NAALADL2: variants seen among roughly 807,000 people sequenced by gnomAD.
The protein encoded by NAALADL2 is N-acetylated alpha-linked acidic dipeptidase like 2.
A neutral mutation model predicts 87.2 loss-of-function variants in NAALADL2; 76 were observed. The observed-to-expected ratio is 0.87, with a 90% CI of 0.72 to 1.05. The LOEUF (loss-of-function observed/expected upper bound fraction) is 1.05, where lower values mean the gene tolerates loss of function less well. Among genes scored for constraint, NAALADL2 ranks in the 50% least tolerant of loss-of-function variants. The pLI, the probability that NAALADL2 is intolerant of heterozygous loss-of-function variation, is 0.00. For missense variants in NAALADL2, 1,089 were observed against 945.8 expected, an observed-to-expected ratio of 1.15 and a Z score of -1.99; for synonymous variants, 354 against 331.0, an observed-to-expected ratio of 1.07 and a Z score of -0.75.
intron 3 of NAALADL2, among the ~76,000 whole-genome samples, chr3:174,821,899 C>T (rs781238415): frequency 4.6e-4 from 70 of 151,984 alleles, no homozygotes; most frequent in Non-Finnish European, 8.7e-4. Flanking sequence ...AGAAGGACAG[C>T]TAGGGAGGGG....
chr3:175,483,957 A>G (rs1031941067), intron 9 of NAALADL2, among the ~76,000 whole-genome samples: 7 of 152,102 alleles, frequency 4.6e-5, no homozygotes, highest in African/African-American at 1.2e-4. Context: ...TTAAGCAGCT[A>G]GTCCTGGAAG....
At chr3:175,465,774 A>G (rs1188837314) in intron 7 of NAALADL2, among the ~76,000 whole-genome samples, 1 of 152,168 alleles carries the variant, frequency 6.6e-6, no homozygotes, top group Non-Finnish European at 1.5e-5. Context: ...CATTAATTAA[A>G]CCTTAATAAA....
intron 5 of NAALADL2, among the ~76,000 whole-genome samples, chr3:175,375,687 T>C (rs1362105234): frequency 6.6e-6 from 1 of 152,148 alleles, no homozygotes. Context: ...GTAGATAATA[T>C]ATAGTGAATT....
intron 3 of NAALADL2, among the ~76,000 whole-genome samples, chr3:174,756,647 A>G (rs553183628): frequency 2.6e-5 from 4 of 152,364 alleles, no homozygotes; most frequent in African/African-American, 9.6e-5. Context: ...ATGAACAGAT[A>G]GAGATCTGCT....
intron 1 of NAALADL2, among the ~76,000 whole-genome samples, chr3:174,915,448 G>A (rs1279496979): frequency 6.6e-6 from 1 of 152,094 alleles, no homozygotes; most frequent in Admixed American, 6.6e-5. Flanking sequence ...CAACTTTATG[G>A]TAAGGACAAC....
intron 3 of NAALADL2, among the ~76,000 whole-genome samples, chr3:174,815,360 T>G (rs1361242532): frequency 6.6e-6 from 1 of 152,172 alleles, no homozygotes; most frequent in African/African-American, 2.4e-5. Context: ...GACTTGTGGA[T>G]GGTTATCTTC....
upstream of NAALADL2, among the ~76,000 whole-genome samples, chr3:174,857,354 G>C (rs4894687): frequency 6.6e-6 from 1 of 151,802 alleles, no homozygotes; most frequent in Non-Finnish European, 1.5e-5. Context: ...GTGAACTTAC[G>C]AACTTAAGAC....
intron 3 of NAALADL2, among the ~76,000 whole-genome samples, chr3:174,838,021 G>GAAAAAAAAAAAAAAAAA (rs77681462): frequency 1.4e-4 from 10 of 71,922 alleles, no homozygotes; most frequent in Non-Finnish European, 2.3e-4. Flanking sequence ...AACCAAAAAA[G>GAAAAAAAAAAAAAAAAA]AAAAAAAAAA....
At chr3:174,472,624 T>A (rs995281080) in intron 1 of NAALADL2, among the ~76,000 whole-genome samples, 2 of 152,220 alleles carry the variant, frequency 1.3e-5, no homozygotes, top group African/African-American at 2.4e-5. Flanking sequence ...CTCTCAAATT[T>A]GTTTCCTGAT....
chr3:174,768,849 C>T (rs1461517796), intron 3 of NAALADL2, among the ~76,000 whole-genome samples: 1 of 151,846 alleles, frequency 6.6e-6, no homozygotes, highest in Admixed American at 6.6e-5. Flanking sequence ...GCTTGTATCT[C>T]TATTTTGATT....
At chr3:174,846,945 G>C (rs115005236) in intron 3 of NAALADL2, among the ~76,000 whole-genome samples, 534 of 152,214 alleles carry the variant, frequency 3.5e-3, no homozygotes, top group African/African-American at 0.012. Context: ...AGATGAAAAT[G>C]GCCTCACCTA....
chr3:175,171,936 G>A (rs1215697894), intron 2 of NAALADL2, among the ~76,000 whole-genome samples: 1 of 151,672 alleles, frequency 6.6e-6, no homozygotes, highest in Non-Finnish European at 1.5e-5. Context: ...GGGGGATAAA[G>A]AGAGGTTGGT....
chr3:174,955,659 AT>A (rs1392833693), intron 1 of NAALADL2, among the ~76,000 whole-genome samples: 1 of 152,076 alleles, frequency 6.6e-6, no homozygotes, highest in African/African-American at 2.4e-5. Flanking sequence ...ACAAATAGAG[AT>A]ATCAGAGCCT....
chr3:175,595,525 T>G (rs1191318098), intron 10 of NAALADL2, among the ~76,000 whole-genome samples: 1 of 151,910 alleles, frequency 6.6e-6, no homozygotes, highest in African/African-American at 2.4e-5. Context: ...ATAAACAAAG[T>G]TATCAGTTTA....
chr3:174,552,280 T>C (rs1712218249), intron 2 of NAALADL2, among the ~76,000 whole-genome samples: 1 of 152,180 alleles, frequency 6.6e-6, no homozygotes, highest in Admixed American at 6.5e-5. Flanking sequence ...AAGGTAATGC[T>C]CAGGGAGATT....
At chr3:175,351,219 C>A (rs2148875642) in intron 5 of NAALADL2, among the ~76,000 whole-genome samples, 1 of 152,006 alleles carries the variant, frequency 6.6e-6, no homozygotes, top group African/African-American at 2.4e-5. Context: ...ATAATGTTAT[C>A]TATGATATAT....
chr3:175,565,975 G>A (rs1269718533), intron 9 of NAALADL2, among the ~76,000 whole-genome samples: 1 of 151,796 alleles, frequency 6.6e-6, no homozygotes, highest in African/African-American at 2.4e-5. Flanking sequence ...GATTACAGGT[G>A]CATGCCACTA....
intron 4 of NAALADL2, among the ~76,000 whole-genome samples, chr3:175,276,151 A>G (rs1411504956): frequency 2.6e-5 from 4 of 151,494 alleles, no homozygotes; most frequent in African/African-American, 9.7e-5. Flanking sequence ...TAAAAAAAAA[A>G]TTATGATAAA....
chr3:175,429,237 C>T (rs955896368), intron 5 of NAALADL2, among the ~76,000 whole-genome samples: 31 of 148,702 alleles, frequency 2.1e-4, no homozygotes, highest in Admixed American at 6.1e-4. Context: ...CTTCTTTATG[C>T]ATTTCTGTAT....
Sources: allele counts gnomAD v4.1 joint callset (sites outside exome capture counted in the v4.1 genomes callset), GRCh38; gene constraint gnomAD v4.1.1; transcripts MANE v1.5; gene names NCBI Gene and HGNC (gene_info 2026-07-23, HGNC 2026-07-21).